Variants in ATP6V0D2 observed in about 807,000 individuals in gnomAD.
ATP6V0D2 encodes ATPase H+ transporting V0 subunit d2.
ATP6V0D2 carries 40 observed loss-of-function variants against 40.0 expected under a neutral mutation model. That is an observed-to-expected ratio of 1.00 (90% CI 0.78 to 1.30). The LOEUF is 1.30. Among genes scored for constraint, ATP6V0D2 ranks in the 50% most tolerant of loss-of-function variants. The pLI, the probability that ATP6V0D2 is intolerant of heterozygous loss-of-function variation, is 0.00. For synonymous variants in ATP6V0D2, 179 were observed against 156.3 expected (o/e 1.15, Z -1.08); for missense variants, 470 against 423.1 (o/e 1.11, Z -0.97).
At position 86,150,142 on chromosome 8, in the gene ATP6V0D2, A is replaced by C. The variant is rs926332213; in HGVS notation, c.670A>C (p.Thr224Pro). Reference protein sequence around the residue: ...FEADRRAFIITLNSFGTELSK... With the variant: ...FEADRRAFIIPLNSFGTELSK... ...GGCCGACAGACGTGCTTTTATCATC[A>C]CTCTTAACTCCTTTGGCACTGAATT... is the stretch of plus-strand genomic sequence containing the variant. Residue 224 changes from threonine (T) to proline (P), a missense_variant, in exon 6 of 8, where the codon ACT becomes CCT. Transcript: ENST00000285393. 1.2e-6 allele frequency: 2 copies of C among 1,611,570 alleles called. No individual in the cohort carries two copies. The highest frequency in any genetic ancestry group is 3.4e-5 in the Admixed American group (2 of 59,570).
chr8:86,129,982 G>GAAAAAAAA lies in ATP6V0D2; in HGVS notation c.303-9466_303-9459dup, dbSNP rs869058078. ...ACAGAGAGAGACCCTGTCTCGAAAA[G>GAAAAAAAA]AAAAAAAAAAAAAAAAGAAAAGAAA... On this transcript the variant is annotated intron_variant, in intron 2 of 7. Coordinates refer to ENST00000285393, the MANE Select transcript of ATP6V0D2 (RefSeq NM_152565.1). Among the ~76,000 whole-genome samples the GAAAAAAAA allele has an allele frequency of 1.1e-3, 98 of 91,972 alleles. 1 individual carries two copies. The highest frequency in any genetic ancestry group is 1.3e-3 in the Non-Finnish European group (59 of 44,176). 60.3% of individuals were successfully genotyped at this position (91,972 alleles called of 152,430 possible).
At chr8:86,137,478 A>C (rs181655657) in intron 2 of ATP6V0D2, among the ~76,000 whole-genome samples, 2 of 152,268 alleles carry the variant, frequency 1.3e-5, no homozygotes, top group East Asian at 3.9e-4. Flanking sequence ...CCAAGACTTC[A>C]GCTTCCACCT....
At chr8:86,142,575 C>G (rs1818989463) in intron 4 of ATP6V0D2, among the ~76,000 whole-genome samples, 1 of 152,170 alleles carries the variant, frequency 6.6e-6, no homozygotes, top group Non-Finnish European at 1.5e-5. Flanking sequence ...GAACTTGGCA[C>G]TCTTGTTAAA....
At chr8:86,123,497 A>C (rs1037469373) in intron 2 of ATP6V0D2, among the ~76,000 whole-genome samples, 2 of 152,220 alleles carry the variant, frequency 1.3e-5, no homozygotes, top group African/African-American at 4.8e-5. Context: ...AAAGCAGAGA[A>C]ACAATAGAGG....
At chr8:86,122,069 G>A (rs767102211) in intron 2 of ATP6V0D2, among the ~76,000 whole-genome samples, 1 of 152,120 alleles carries the variant, frequency 6.6e-6, no homozygotes, top group Non-Finnish European at 1.5e-5. Context: ...ACATTTTAAC[G>A]AAGAGATCAT....
intron 1 of ATP6V0D2, among the ~76,000 whole-genome samples, chr8:86,104,480 G>T (rs528043911): frequency 1.3e-5 from 2 of 152,154 alleles, no homozygotes; most frequent in Non-Finnish European, 2.9e-5. Flanking sequence ...GCAAGGGGAA[G>T]AACCAGGTGT....
chr8:86,119,224 C>G (rs1818635769), intron 2 of ATP6V0D2, among the ~76,000 whole-genome samples: 1 of 141,472 alleles, frequency 7.1e-6, no homozygotes, highest in Non-Finnish European at 1.5e-5. Flanking sequence ...GTTTCCTAAT[C>G]ATAGGATCTT....
In ATP6V0D2 at chr8:86,143,694, G is replaced by A. The variant is rs200155282; in HGVS notation, c.639+740G>A. Among the ~76,000 whole-genome samples the A allele has an allele frequency of 3.3e-4, 50 of 152,252 alleles. No homozygotes were observed. The East Asian group carries it at 6.8e-3, about 21-fold the overall frequency. On this transcript the variant is annotated intron_variant, in intron 5 of 7. Transcript: ENST00000285393. ...GCAAAGTGTTTATGACCTGTATCTT[G>A]TGCTAACCTCCTATCTCATCCTGTG...
chr8:86,146,132 T>C, intron 5 of ATP6V0D2, among the ~76,000 whole-genome samples: 1 of 152,168 alleles, frequency 6.6e-6, no homozygotes, highest in East Asian at 1.9e-4. Context: ...TATATAAACG[T>C]GAGTGCTAAT....
chr8:86,119,290 G>A (rs1818637654), intron 2 of ATP6V0D2, among the ~76,000 whole-genome samples: 2 of 149,210 alleles, frequency 1.3e-5, no homozygotes, highest in Admixed American at 6.7e-5. Context: ...GTGCAGTGGC[G>A]CAATCTCGGC....
intron 1 of ATP6V0D2, among the ~76,000 whole-genome samples, chr8:86,111,003 C>T (rs1368241418): frequency 6.6e-6 from 1 of 151,992 alleles, no homozygotes; most frequent in African/African-American, 2.4e-5. Flanking sequence ...AAAATCTACT[C>T]TTTACATGAT....
chr8:86,132,356 G>A (rs1818836494), intron 2 of ATP6V0D2, among the ~76,000 whole-genome samples: 1 of 151,926 alleles, frequency 6.6e-6, no homozygotes. Context: ...AGTCTATTTT[G>A]TAATATGTCA....
rs1052792615 is a variant in ATP6V0D2, at chr8:86,153,114, G to A, written c.*137G>A. ...ATATCTTCATGAGTTGCAAATCCATGGAAACACAGTAAACCAGCCCTGAAA... is the reference window on the plus strand; with the variant it reads ...ATATCTTCATGAGTTGCAAATCCATAGAAACACAGTAAACCAGCCCTGAAA... On this transcript the variant is annotated 3_prime_UTR_variant, in exon 8 of 8. Transcript: ENST00000285393. The A allele has an allele frequency of 3.0e-6, 2 of 672,098 alleles. No individual in the cohort carries two copies. The highest frequency in any genetic ancestry group is 4.5e-6 in the Non-Finnish European group (2 of 441,878). The allele number at this position is 672,098 out of a possible 1,614,324, so 41.6% of individuals were successfully genotyped here. A position where few individuals can be genotyped will look rare whatever the true frequency, so the allele number is the denominator to read the frequency against.
At chr8:86,144,385 T>C (rs967809914) in intron 5 of ATP6V0D2, among the ~76,000 whole-genome samples, 6 of 152,230 alleles carry the variant, frequency 3.9e-5, no homozygotes, top group Non-Finnish European at 1.5e-5. Flanking sequence ...AAGAATATTT[T>C]TCATCATTAC....
chr8:86,102,753 G>T (rs1159634962), intron 1 of ATP6V0D2, among the ~76,000 whole-genome samples: 1 of 152,144 alleles, frequency 6.6e-6, no homozygotes, highest in Non-Finnish European at 1.5e-5. Context: ...ATTGTGACTT[G>T]ATTCAGATCT....
chr8:86,118,376 A>G (rs1360374397), intron 2 of ATP6V0D2, among the ~76,000 whole-genome samples: 2 of 151,872 alleles, frequency 1.3e-5, no homozygotes, highest in Non-Finnish European at 2.9e-5. Flanking sequence ...GCCTGTCCGC[A>G]GAGTATTTTT....
intron 6 of ATP6V0D2, 81 bp downstream of exon 6, chr8:86,150,369 C>T (rs144475177): frequency 3.3e-5 from 44 of 1,341,612 alleles, no homozygotes; most frequent in Non-Finnish European, 2.4e-5. Flanking sequence ...ATCAAATTTC[C>T]GCTTATACTC....
intron 6 of ATP6V0D2, 150 bp from the exon 7 acceptor site, chr8:86,151,316 C>G: frequency 1.7e-6 from 1 of 585,894 alleles, no homozygotes; most frequent in Non-Finnish European, 2.9e-6. Context: ...ATTGTTTCTT[C>G]GGGAGGCCAA....
intron 7 of ATP6V0D2, among the ~76,000 whole-genome samples, chr8:86,151,755 C>CTTTTTT (rs564476016): frequency 2.3e-5 from 2 of 85,516 alleles, no homozygotes; most frequent in African/African-American, 3.2e-5. Context: ...GCTTTTCTTT[C>CTTTTTT]TTTTTTTTTT....
Sources: allele counts gnomAD v4.1 joint callset (sites outside exome capture counted in the v4.1 genomes callset), GRCh38; gene constraint gnomAD v4.1.1; transcripts MANE v1.5; gene names NCBI Gene and HGNC (gene_info 2026-07-23, HGNC 2026-07-21).